MAP4K3: variants seen among roughly 807,000 people sequenced by gnomAD.
MAP4K3 encodes MAPK/ERK kinase kinase kinase 3.
In MAP4K3, 94 loss-of-function variants were observed where a neutral mutation model predicts 143.5. The ratio of observed to expected loss-of-function variants is 0.65; its 90% CI spans 0.55 to 0.78. The LOEUF (loss-of-function observed/expected upper bound fraction) is 0.78, where lower values mean the gene tolerates loss of function less well. Among genes scored for constraint, MAP4K3 ranks in the 30% least tolerant of loss-of-function variants. The pLI is 0.00. For synonymous variants in MAP4K3, 416 were observed against 347.2 expected (o/e 1.20, Z -2.20); for missense variants, 1,077 against 1,068.1 (o/e 1.01, Z -0.12).
intron 24 of MAP4K3, among the ~76,000 whole-genome samples, chr2:39,274,303 G>A (rs1391395851): frequency 3.3e-5 from 5 of 149,828 alleles, no homozygotes; most frequent in East Asian, 3.9e-4. Context: ...TGCAAGCTCC[G>A]CCTCCCAGGT....
chr2:39,277,740 T>G (rs541349505), intron 24 of MAP4K3, among the ~76,000 whole-genome samples: 1 of 151,798 alleles, frequency 6.6e-6, no homozygotes, highest in South Asian at 2.1e-4. Flanking sequence ...AATTTTTATA[T>G]TTTTTAGTAG....
chr2:39,257,796 CAA>C (rs1285158564), intron 31 of MAP4K3, among the ~76,000 whole-genome samples: 14 of 59,658 alleles, frequency 2.3e-4, no homozygotes, highest in Admixed American at 1.9e-4. Context: ...CACTCCATCT[CAA>C]AAAAAAAAAA....
chr2:39,337,727 T>A, intron 4 of MAP4K3, 146 bp from the exon 5 acceptor site: 1 of 354,050 alleles, frequency 2.8e-6, no homozygotes. Flanking sequence ...CATGAATTAC[T>A]ACTGTCCTAC....
Position 39,267,679 on chromosome 2 carries a change from CAAA to C in MAP4K3, c.1974-435_1974-433del, listed in dbSNP as rs57082856. 6.5e-3 allele frequency among the ~76,000 whole-genome samples: 855 copies of C among 130,546 alleles called. 14 individuals carry two copies. The highest frequency in any genetic ancestry group is 0.019 in the African/African-American group (648 of 34,818). The allele number at this position is 130,546 out of a possible 152,430, so 85.6% of individuals were successfully genotyped here. A position where few individuals can be genotyped will look rare whatever the true frequency, so the allele number is the denominator to read the frequency against. On this transcript the variant is annotated intron_variant, in intron 26 of 33. Transcript: ENST00000263881. ...CAACAGAAGAGCAAAACTCGGTCTC[CAAA>C]AAAAAAAAAAAAAAAATTAAATAAA...
intron 1 of MAP4K3, among the ~76,000 whole-genome samples, chr2:39,409,041 G>A (rs754932887): frequency 1.3e-5 from 2 of 152,136 alleles, no homozygotes; most frequent in Non-Finnish European, 1.5e-5. Context: ...TGCCTCTTCT[G>A]TCTTTCCTTT....
intron 3 of MAP4K3, among the ~76,000 whole-genome samples, chr2:39,346,429 A>C (rs1665294841): frequency 6.6e-6 from 1 of 152,230 alleles, no homozygotes; most frequent in East Asian, 1.9e-4. Context: ...TACTTAAAAA[A>C]AAATAGTAGT....
At chr2:39,267,853 C>T (rs540614513) in intron 26 of MAP4K3, among the ~76,000 whole-genome samples, 16 of 152,124 alleles carry the variant, frequency 1.1e-4, no homozygotes, top group Non-Finnish European at 2.2e-4. Context: ...AATGCTGTTA[C>T]ATTTTAATTG....
intron 8 of MAP4K3, among the ~76,000 whole-genome samples, chr2:39,327,702 G>C (rs1188083330): frequency 6.6e-6 from 1 of 152,190 alleles, no homozygotes; most frequent in East Asian, 1.9e-4. Flanking sequence ...CAGATCTTAT[G>C]AAAATTTAAA....
At chr2:39,260,861 C>A in intron 28 of MAP4K3, 84 bp from the exon 29 acceptor site, 3 of 865,958 alleles carry the variant, frequency 3.5e-6, no homozygotes, top group Non-Finnish European at 3.5e-6. Flanking sequence ...CAGCTTTCTA[C>A]AATAAAGACT....
In MAP4K3 at chr2:39,286,889, C is replaced by T. The variant is rs1180421049; in HGVS notation, c.1550G>A (p.Gly517Asp). The stretch of plus-strand genomic sequence containing the variant: ...CTTTTCTTTTCTTGAAAGGTTTGTG[C>T]CTCTATGTTCATTCTGTTGTTGACA... ...SLCQQQNEHR[G>D]TNLSRKEKKD... The change falls in exon 21 of 34, where the codon GGC becomes GAC. Residue 517 changes from glycine (G) to aspartate (D), a missense_variant. Around this residue, in one of 2 missense-constraint regions of MAP4K3, gnomAD observed 864 missense variants for 801.2 expected, o/e 1.08. Transcript: ENST00000263881. 1.9e-6 allele frequency: 3 copies of T among 1,609,374 alleles called. No homozygotes were observed. The highest frequency in any genetic ancestry group is 2.7e-5 in the African/African-American group (2 of 74,966).
intron 4 of MAP4K3, among the ~76,000 whole-genome samples, 189 bp from the exon 5 acceptor site, chr2:39,337,770 T>G (rs1665012497): frequency 7.2e-6 from 1 of 139,200 alleles, no homozygotes; most frequent in Non-Finnish European, 1.6e-5. Context: ...TTTTTTTTTT[T>G]TTTTTTTTTT....
At chr2:39,280,722 C>A (rs1157421683) in intron 22 of MAP4K3, among the ~76,000 whole-genome samples, 1 of 152,070 alleles carries the variant, frequency 6.6e-6, no homozygotes, top group Admixed American at 6.6e-5. Context: ...ATCATAATCT[C>A]TACAAAGGAA....
At chr2:39,287,720 AT>A (rs1376291438) in intron 20 of MAP4K3, among the ~76,000 whole-genome samples, 1 of 152,124 alleles carries the variant, frequency 6.6e-6, no homozygotes, top group Admixed American at 6.5e-5. Context: ...AATACCAATT[AT>A]TTTTTTAGAA....
intron 22 of MAP4K3, among the ~76,000 whole-genome samples, chr2:39,281,179 T>C (rs1346047535): frequency 2.6e-5 from 4 of 152,224 alleles, no homozygotes; most frequent in Non-Finnish European, 4.4e-5. Flanking sequence ...ATTTGCCATG[T>C]TGGCCTAAAT....
chr2:39,353,123 C>G (rs1023188449), intron 3 of MAP4K3, among the ~76,000 whole-genome samples: 23 of 152,140 alleles, frequency 1.5e-4, no homozygotes, highest in Non-Finnish European at 2.9e-5. Flanking sequence ...GGATTAAATC[C>G]CAGTGCCACT....
chr2:39,416,062 G>A (rs1667371486), intron 1 of MAP4K3, among the ~76,000 whole-genome samples: 1 of 133,202 alleles, frequency 7.5e-6, no homozygotes, highest in Non-Finnish European at 1.6e-5. Context: ...CTGATTTTAG[G>A]ACTCAAATTT....
rs1665372372 is a variant in MAP4K3, at chr2:39,433,941, C to A, written c.96+2951G>T. ...GCATATGATGGTAATAATATCTCCACAACAAAACAGCTCTGAGAGGTTGAT... is the reference window on the plus strand; with the variant it reads ...GCATATGATGGTAATAATATCTCCAAAACAAAACAGCTCTGAGAGGTTGAT... On this transcript the variant is annotated intron_variant, in intron 1 of 33. Coordinates refer to ENST00000263881, the MANE Select transcript of MAP4K3 (RefSeq NM_003618.4). Among the ~76,000 whole-genome samples, 3 of 152,298 alleles carry A rather than the reference C, an allele frequency of 2.0e-5. No individual in the cohort carries two copies. In the South Asian group the frequency reaches 6.2e-4, roughly 32 times the overall value.
chr2:39,409,444 G>A (rs1262020413), intron 1 of MAP4K3, among the ~76,000 whole-genome samples: 2 of 152,104 alleles, frequency 1.3e-5, no homozygotes, highest in Non-Finnish European at 2.9e-5. Flanking sequence ...TGATCCACTT[G>A]GAAGCTGGCT....
intron 4 of MAP4K3, among the ~76,000 whole-genome samples, chr2:39,343,077 A>C (rs1665187219): frequency 6.6e-6 from 1 of 152,162 alleles, no homozygotes. Flanking sequence ...TATACACTGG[A>C]TATTTTACCA....
Sources: gnomAD v4.1 joint callset for allele counts (sites outside exome capture counted in the v4.1 genomes callset) on GRCh38, gnomAD v4.1.1 for gene constraint, gnomAD v4.1.1 regional missense constraint, MANE v1.5 for transcripts, NCBI Gene and HGNC (gene_info 2026-07-23, HGNC 2026-07-21) for gene names.